The following PCDHAC1 variants were observed in gnomAD, a reference collection of about 807,000 sequenced individuals.
PCDHAC1 encodes protocadherin alpha subfamily C, 1, also known as protocadherin alpha-C1.
PCDHAC1 carries 42 observed loss-of-function variants against 60.0 expected under a neutral mutation model. The ratio of observed to expected loss-of-function variants is 0.70; its 90% CI spans 0.55 to 0.90. The LOEUF is 0.90. PCDHAC1 is among the 40% of genes least tolerant of loss of function. The probability of loss-of-function intolerance (pLI) is 0.00; values close to 1 mark genes in which losing one functional copy is unlikely to be tolerated. For synonymous variants in PCDHAC1, 468 were observed against 499.3 expected, an observed-to-expected ratio of 0.94 and a Z score of 0.84; for missense variants, 1,160 against 1,222.3, an observed-to-expected ratio of 0.95 and a Z score of 0.76.
In PCDHAC1 at chr5:141,011,771, G is replaced by A. The variant is rs1327507093; in HGVS notation, c.*1834G>A. On this transcript the variant is annotated 3_prime_UTR_variant, in exon 4 of 4. Transcript: ENST00000253807. ...TCTGACCTCTTTGAAGTTGCAGAATGCTTTGAAATTCTAATGGTATCTGAA... is the reference window on the plus strand; with the variant it reads ...TCTGACCTCTTTGAAGTTGCAGAATACTTTGAAATTCTAATGGTATCTGAA... The A allele has an allele frequency of 1.3e-5, 2 of 153,698 alleles. No individual in the cohort carries two copies. The highest frequency in any genetic ancestry group is 4.8e-5 in the African/African-American group (2 of 41,424). The allele number at this position is 153,698 out of a possible 1,614,324, so 9.5% of individuals were successfully genotyped here.
intron 1 of PCDHAC1, chr5:140,968,723 GGTA>G (rs1199893104): frequency 9.3e-6 from 15 of 1,613,990 alleles, no homozygotes; most frequent in Non-Finnish European, 1.3e-5. Context: ...AGATGAGAGT[GGTA>G]GCACTTTCAA....
At chr5:140,937,142 A>G (rs1362886135) in intron 1 of PCDHAC1, among the ~76,000 whole-genome samples, 1 of 147,852 alleles carries the variant, frequency 6.8e-6, no homozygotes, top group Non-Finnish European at 1.5e-5. Context: ...GGTTCATGCC[A>G]TTCTCCTGCC....
At chr5:140,973,358 A>G (rs1450961086) in intron 1 of PCDHAC1, among the ~76,000 whole-genome samples, 1 of 152,234 alleles carries the variant, frequency 6.6e-6, no homozygotes, top group Non-Finnish European at 1.5e-5. Flanking sequence ...GTGAATTTAT[A>G]AAAATTGCAC....
At position 140,982,568 on chromosome 5, in the gene PCDHAC1, A is replaced by G. The variant is rs1158399397; in HGVS notation, c.2581+5A>G. 6.2e-7 allele frequency: 1 copy of G among 1,613,890 alleles called. No individual in the cohort carries two copies. The highest frequency in any genetic ancestry group is 8.5e-7 in the Non-Finnish European group (1 of 1,179,906). On this transcript the variant is annotated splice_donor_5th_base_variant and intron_variant, in intron 3 of 3. Coordinates refer to ENST00000253807, the MANE Select transcript of PCDHAC1 (RefSeq NM_018898.5). ...CAGTATCCAGTGCAACACCAGGTAA[A>G]GAGCTGGGGTCTCTCCATTCTTTCT...
At chr5:140,941,553 G>T in intron 1 of PCDHAC1, among the ~76,000 whole-genome samples, 1 of 151,656 alleles carries the variant, frequency 6.6e-6, no homozygotes, top group East Asian at 2.0e-4. Context: ...CTGACCTCGT[G>T]ATCCATTCGC....
intron 1 of PCDHAC1, among the ~76,000 whole-genome samples, chr5:140,951,791 A>T (rs375226786): frequency 1.3e-5 from 2 of 152,228 alleles, no homozygotes; most frequent in Non-Finnish European, 2.9e-5. Context: ...AAATACAATT[A>T]TCCCTTCCCA....
At chr5:140,958,374 A>G (rs953397625) in intron 1 of PCDHAC1, among the ~76,000 whole-genome samples, 3 of 152,134 alleles carry the variant, frequency 2.0e-5, no homozygotes, top group African/African-American at 7.2e-5. Context: ...GAATGTTGCT[A>G]TTTTCTTAAC....
chr5:140,961,343 T>C (rs2095605708), intron 1 of PCDHAC1, among the ~76,000 whole-genome samples: 1 of 152,210 alleles, frequency 6.6e-6, no homozygotes, highest in South Asian at 2.1e-4. Flanking sequence ...CAAGAGTGGA[T>C]CCCTGTAGTC....
chr5:140,933,522 T>A (rs1399438253), intron 1 of PCDHAC1, among the ~76,000 whole-genome samples: 3 of 152,066 alleles, frequency 2.0e-5, no homozygotes, highest in Non-Finnish European at 4.4e-5. Flanking sequence ...AGCTGTTTTG[T>A]TTAAACTCAA....
chr5:140,926,752 C>T lies in PCDHAC1; in HGVS notation c.-141C>T, dbSNP rs1176032200. The T allele has an allele frequency of 8.0e-7, 1 of 1,254,344 alleles. No homozygotes were observed. Among genetic ancestry groups the T allele is most frequent in the Admixed American group, 3.6e-5 (1 of 27,986 alleles). The allele number at this position is 1,254,344 out of a possible 1,614,324, so 77.7% of individuals were successfully genotyped here. ...GTTCGGGAGGCGCAACGTCGGCGGT[C>T]GCTGAGTATCCAGCCCGCAGCAGTG... On this transcript the variant is annotated 5_prime_UTR_variant, in exon 1 of 4. Coordinates refer to ENST00000253807, the MANE Select transcript of PCDHAC1 (RefSeq NM_018898.5).
In PCDHAC1 at chr5:140,928,824, A is replaced by C. The variant is rs782336122; in HGVS notation, c.1932A>C (p.Pro644=). The part of the protein sequence containing the change: ...VVVVVRDHGD[P]PLSSSVTLGV... ...TAGTGGTTCGGGACCATGGAGACCC[A>C]CCACTTTCCTCCTCTGTCACTCTGG... The change falls in exon 1 of 4, where the codon CCA becomes CCC. Residue 644 remains proline, a synonymous_variant. Coordinates refer to ENST00000253807, the MANE Select transcript of PCDHAC1 (RefSeq NM_018898.5). 2 of 1,614,110 alleles carry C rather than the reference A, an allele frequency of 1.2e-6. No homozygotes were observed. Among genetic ancestry groups the C allele is most frequent in the Non-Finnish European group, 1.7e-6 (2 of 1,180,022 alleles).
chr5:140,957,937 A>G (rs2095399590), intron 1 of PCDHAC1, among the ~76,000 whole-genome samples: 1 of 152,112 alleles, frequency 6.6e-6, no homozygotes, highest in Admixed American at 6.5e-5. Flanking sequence ...AAATAATTTA[A>G]AGATCTTTAA....
rs114410083 is a variant in PCDHAC1, at chr5:140,927,323, C to T, written c.431C>T (p.Thr144Ile). 1,487 of 1,614,220 alleles carry T rather than the reference C, an allele frequency of 9.2e-4. 8 individuals are homozygous for T. In the African/African-American group the frequency reaches 0.018, roughly 19 times the overall value. ...PEFLTPGARF[T>I]LPNAQDDDEG... ...TTCCTGACGCCCGGAGCCCGCTTTA[C>T]TCTCCCGAATGCCCAAGATGACGAC... The change falls in exon 1 of 4, where the codon ACT (threonine) becomes ATT (isoleucine). Residue 144 changes from threonine to isoleucine, a missense_variant. Physicochemically the swap from Thr to Ile is moderately conservative, Grantham distance 89. Around this residue, in one of 3 missense-constraint regions of PCDHAC1, gnomAD observed 1,113 missense variants for 1,163.7 expected, o/e 0.96. Coordinates refer to ENST00000253807, the MANE Select transcript of PCDHAC1 (RefSeq NM_018898.5).
intron 1 of PCDHAC1, among the ~76,000 whole-genome samples, chr5:140,974,881 C>A (rs191346198): frequency 6.6e-6 from 1 of 152,228 alleles, no homozygotes; most frequent in African/African-American, 2.4e-5. Flanking sequence ...GTCTATGTAT[C>A]CCTTTTCTGA....
chr5:141,006,944 A>G (rs2098295543), intron 3 of PCDHAC1, among the ~76,000 whole-genome samples: 1 of 152,202 alleles, frequency 6.6e-6, no homozygotes, highest in African/African-American at 2.4e-5. Context: ...GATACCAGAT[A>G]GGCAGTTATA....
intron 1 of PCDHAC1, among the ~76,000 whole-genome samples, chr5:140,960,594 G>A (rs1341832093): frequency 6.6e-6 from 1 of 152,042 alleles, no homozygotes; most frequent in African/African-American, 2.4e-5. Flanking sequence ...CAAATTCAAG[G>A]TACTTCAACA....
intron 1 of PCDHAC1, among the ~76,000 whole-genome samples, chr5:140,959,857 T>G (rs1287315295): frequency 1.3e-5 from 2 of 152,204 alleles, no homozygotes; most frequent in African/African-American, 2.4e-5. Flanking sequence ...AAAGGAATTA[T>G]GTAGCAAAAT....
intron 3 of PCDHAC1, among the ~76,000 whole-genome samples, chr5:141,000,900 G>A (rs1020896392): frequency 6.6e-6 from 1 of 151,614 alleles, no homozygotes; most frequent in African/African-American, 2.4e-5. Flanking sequence ...AGATATAGAC[G>A]CTGTCTCTAA....
intron 1 of PCDHAC1, among the ~76,000 whole-genome samples, chr5:140,978,570 G>C (rs151127662): frequency 6.6e-6 from 1 of 152,196 alleles, no homozygotes; most frequent in Middle Eastern, 3.2e-3. Flanking sequence ...CTGTAATACT[G>C]AATTGGGAAT....
Sources: allele counts gnomAD v4.1 joint callset (sites outside exome capture counted in the v4.1 genomes callset), GRCh38; gene constraint gnomAD v4.1.1; regional missense constraint gnomAD v4.1.1; transcripts MANE v1.5; gene names NCBI Gene and HGNC (gene_info 2026-07-23, HGNC 2026-07-21).